Variants in LRP1B observed in about 807,000 individuals in gnomAD.
LRP1B encodes the protein LDL receptor related protein 1B.
In LRP1B, 217 loss-of-function variants were observed where a neutral mutation model predicts 556.6. The observed-to-expected ratio is 0.39, with a 90% CI of 0.35 to 0.44. The LOEUF is 0.44. Among genes scored for constraint, LRP1B ranks in the 20% least tolerant of loss-of-function variants. The probability of loss-of-function intolerance (pLI) is 1.00; values close to 1 mark genes in which losing one functional copy is unlikely to be tolerated. For missense variants in LRP1B, 5,053 were observed against 5,620.8 expected (o/e 0.90, Z 3.23); for synonymous variants, 2,047 against 1,865.8 (o/e 1.10, Z -2.50).
intron 2 of LRP1B, among the ~76,000 whole-genome samples, chr2:141,809,736 GTTTC>G (rs1446390971): frequency 8.6e-6 from 1 of 116,558 alleles, no homozygotes; most frequent in African/African-American, 4.0e-5. Flanking sequence ...AATGGATAAA[GTTTC>G]TATCTATCTT....
intron 72 of LRP1B, among the ~76,000 whole-genome samples, chr2:140,362,962 A>G (rs1682587130): frequency 6.6e-6 from 1 of 151,596 alleles, no homozygotes; most frequent in Non-Finnish European, 1.5e-5. Flanking sequence ...ACAAATGTCT[A>G]TTGAATGAAT....
At chr2:142,059,903 ATAGTTG>A (rs1159156787) in intron 1 of LRP1B, among the ~76,000 whole-genome samples, 1 of 152,098 alleles carries the variant, frequency 6.6e-6, no homozygotes, top group Non-Finnish European at 1.5e-5. Context: ...TGTTAAGTAC[ATAGTTG>A]AATAAAGTTT....
At chr2:141,828,308 T>C (rs1697002775) in intron 1 of LRP1B, among the ~76,000 whole-genome samples, 1 of 152,142 alleles carries the variant, frequency 6.6e-6, no homozygotes, top group African/African-American at 2.4e-5. Context: ...CTATCATTAT[T>C]TAAATGACAG....
At chr2:141,224,632 T>A (rs998362291) in intron 6 of LRP1B, among the ~76,000 whole-genome samples, 1 of 152,130 alleles carries the variant, frequency 6.6e-6, no homozygotes, top group African/African-American at 2.4e-5. Flanking sequence ...TGGAATACTA[T>A]GCGGCCATAA....
chr2:141,580,838 A>C (rs1686937508), intron 2 of LRP1B, among the ~76,000 whole-genome samples: 1 of 152,230 alleles, frequency 6.6e-6, no homozygotes, highest in South Asian at 2.1e-4. Flanking sequence ...AATTGCTCTC[A>C]AGATCTCAAT....
chr2:141,997,535 T>G (rs1440076418), intron 1 of LRP1B, among the ~76,000 whole-genome samples: 4 of 148,914 alleles, frequency 2.7e-5, no homozygotes, highest in Non-Finnish European at 4.4e-5. Flanking sequence ...CAGACTGGAG[T>G]GTGGTGGCTC....
chr2:140,779,503 T>C (rs910824729), intron 32 of LRP1B, among the ~76,000 whole-genome samples: 15 of 151,976 alleles, frequency 9.9e-5, no homozygotes, highest in African/African-American at 3.4e-4. Flanking sequence ...GAGGCCAGCC[T>C]GACCAACATG....
chr2:140,649,991 C>G (rs1458440975), intron 41 of LRP1B, among the ~76,000 whole-genome samples: 1 of 152,072 alleles, frequency 6.6e-6, no homozygotes, highest in East Asian at 1.9e-4. Context: ...AACTGAAGCA[C>G]TTGTAAACAA....
chr2:141,608,908 C>G (rs999033662), intron 2 of LRP1B, among the ~76,000 whole-genome samples: 17 of 151,872 alleles, frequency 1.1e-4, no homozygotes, highest in Non-Finnish European at 4.4e-5. Context: ...TTTATTTTAC[C>G]AAAATGTAAT....
At chr2:141,527,409 T>A (rs563698994) in intron 2 of LRP1B, among the ~76,000 whole-genome samples, 10 of 148,990 alleles carry the variant, frequency 6.7e-5, no homozygotes, top group African/African-American at 2.2e-4. Flanking sequence ...ATACAGGCAT[T>A]TTACAAAAAA....
intron 84 of LRP1B, among the ~76,000 whole-genome samples, chr2:140,283,267 T>C (rs1337102017): frequency 6.6e-6 from 1 of 151,842 alleles, no homozygotes; most frequent in Non-Finnish European, 1.5e-5. Flanking sequence ...TCAAATGTTT[T>C]ACACAGCCTA....
At chr2:141,069,279 G>A (rs565338430) in intron 7 of LRP1B, among the ~76,000 whole-genome samples, 1 of 152,170 alleles carries the variant, frequency 6.6e-6, no homozygotes, top group Admixed American at 6.6e-5. Flanking sequence ...AGAGCCAGGA[G>A]TTAACTCGGC....
At chr2:140,765,693 C>A (rs1247412388) in intron 35 of LRP1B, among the ~76,000 whole-genome samples, 3 of 151,934 alleles carry the variant, frequency 2.0e-5, no homozygotes, top group South Asian at 2.1e-4. Flanking sequence ...ACAATTTGTT[C>A]ATTGTAGAAA....
At chr2:140,417,850 A>G (rs1316726118) in intron 66 of LRP1B, among the ~76,000 whole-genome samples, 1 of 152,212 alleles carries the variant, frequency 6.6e-6, no homozygotes, top group Non-Finnish European at 1.5e-5. Context: ...TGCCTTCAGC[A>G]TGTGCAGTAA....
chr2:140,516,855 G>A (rs200466131), intron 50 of LRP1B, 34 bp downstream of exon 50: 1 of 1,606,230 alleles, frequency 6.2e-7, no homozygotes, highest in Non-Finnish European at 8.5e-7. Flanking sequence ...TAATAGTAAG[G>A]TTAACAAAAA....
intron 3 of LRP1B, among the ~76,000 whole-genome samples, chr2:141,324,330 G>C: frequency 6.6e-6 from 1 of 152,080 alleles, no homozygotes; most frequent in Non-Finnish European, 1.5e-5. Flanking sequence ...AAATAAGAAA[G>C]AGCATCTCCT....
At chr2:140,696,880 C>G (rs771308086) in intron 41 of LRP1B, among the ~76,000 whole-genome samples, 1 of 152,080 alleles carries the variant, frequency 6.6e-6, no homozygotes, top group South Asian at 2.1e-4. Flanking sequence ...GACCACTGTC[C>G]TAAATGATCC....
intron 35 of LRP1B, among the ~76,000 whole-genome samples, chr2:140,757,655 C>A (rs908570874): frequency 1.3e-5 from 2 of 152,062 alleles, no homozygotes; most frequent in Non-Finnish European, 1.5e-5. Flanking sequence ...CTGAGGCCGG[C>A]GGATCATTTG....
chr2:141,309,590 CT>C (rs2105446137), intron 3 of LRP1B, among the ~76,000 whole-genome samples: 1 of 152,206 alleles, frequency 6.6e-6, no homozygotes, highest in South Asian at 2.1e-4. Context: ...GAAAGAAGAC[CT>C]TAACTATGAA....
Sources: allele counts gnomAD v4.1 joint callset (sites outside exome capture counted in the v4.1 genomes callset), GRCh38; gene constraint gnomAD v4.1.1; transcripts MANE v1.5; gene names NCBI Gene and HGNC (gene_info 2026-07-23, HGNC 2026-07-21).